The following HDAC9 variants were observed in gnomAD, a reference collection of about 807,000 sequenced individuals.
The protein encoded by HDAC9 is MEF-2 interacting transcription repressor (MITR) protein.
Under a neutral mutation model 139.4 loss-of-function variants are expected in HDAC9, and 41 were observed. The ratio of observed to expected loss-of-function variants is 0.29; its 90% CI spans 0.23 to 0.38. The LOEUF is 0.38. Ranked by LOEUF, HDAC9 falls within the 10% of genes least tolerant of loss-of-function variation. HDAC9 has a pLI of 1.00. For synonymous variants in HDAC9, 517 were observed against 476.2 expected (o/e 1.09, Z -1.12); for missense variants, 1,147 against 1,297.0 (o/e 0.88, Z 1.78).
chr7:18,273,177 C>T (rs761375644), intron 2 of HDAC9, among the ~76,000 whole-genome samples: 6 of 150,964 alleles, frequency 4.0e-5, no homozygotes, highest in Non-Finnish European at 7.4e-5. Flanking sequence ...AGCCATCCTC[C>T]CACCTCAGCC....
At chr7:18,878,532 T>A (rs1292587634) in intron 22 of HDAC9, among the ~76,000 whole-genome samples, 1 of 152,072 alleles carries the variant, frequency 6.6e-6, no homozygotes, top group Non-Finnish European at 1.5e-5. Context: ...ATGTGATTCA[T>A]CACATAAACA....
At chr7:18,541,633 T>C (rs567755668) in intron 2 of HDAC9, among the ~76,000 whole-genome samples, 1 of 152,344 alleles carries the variant, frequency 6.6e-6, no homozygotes, top group South Asian at 2.1e-4. Context: ...GAATTTTGTT[T>C]AGAAATATTT....
At chr7:18,684,679 T>G (rs1782136669) in intron 12 of HDAC9, among the ~76,000 whole-genome samples, 1 of 152,016 alleles carries the variant, frequency 6.6e-6, no homozygotes, top group South Asian at 2.1e-4. Flanking sequence ...TGATATAGAC[T>G]AATTATTCTT....
chr7:18,963,911 C>A (rs1783686415), intron 24 of HDAC9, among the ~76,000 whole-genome samples: 1 of 152,146 alleles, frequency 6.6e-6, no homozygotes, highest in Non-Finnish European at 1.5e-5. Flanking sequence ...GTCTTCACTT[C>A]TTTTTCCATT....
intron 1 of HDAC9, among the ~76,000 whole-genome samples, chr7:18,313,823 C>T (rs1799469698): frequency 6.6e-6 from 1 of 152,074 alleles, no homozygotes; most frequent in Non-Finnish European, 1.5e-5. Context: ...TCCTTTTGTG[C>T]TAAGATTTTA....
At chr7:18,980,290 G>A (rs964321371) in intron 25 of HDAC9, among the ~76,000 whole-genome samples, 2 of 152,062 alleles carry the variant, frequency 1.3e-5, no homozygotes, top group Admixed American at 6.6e-5. Context: ...TTTGAAAAAA[G>A]AAACAAAATT....
At chr7:18,414,298 A>C (rs932787640) in intron 1 of HDAC9, among the ~76,000 whole-genome samples, 5 of 152,112 alleles carry the variant, frequency 3.3e-5, no homozygotes, top group Admixed American at 3.3e-4. Context: ...ATATTACCTG[A>C]TGTCCATTAA....
chr7:18,186,920 A>G (rs1233931449), intron 2 of HDAC9, among the ~76,000 whole-genome samples: 1 of 152,240 alleles, frequency 6.6e-6, no homozygotes, highest in East Asian at 1.9e-4. Context: ...TTTACTCTAC[A>G]GAACTACTTA....
At chr7:18,725,125 A>T (rs1785440205) in intron 12 of HDAC9, among the ~76,000 whole-genome samples, 1 of 152,182 alleles carries the variant, frequency 6.6e-6, no homozygotes, top group Admixed American at 6.5e-5. Flanking sequence ...ACAGTGCCCA[A>T]AGCCTATGAT....
intron 2 of HDAC9, among the ~76,000 whole-genome samples, chr7:18,200,971 A>G (rs1791074943): frequency 6.6e-6 from 1 of 152,142 alleles, no homozygotes; most frequent in East Asian, 1.9e-4. Context: ...AATTTTAGTT[A>G]TACCATCATA....
chr7:18,848,560 G>C (rs1042768370), intron 21 of HDAC9, among the ~76,000 whole-genome samples: 1 of 151,682 alleles, frequency 6.6e-6, no homozygotes, highest in East Asian at 1.9e-4. Context: ...AATCCGGTGA[G>C]AGCGCTCTCA....
chr7:18,333,952 T>C (rs910552180), intron 1 of HDAC9, among the ~76,000 whole-genome samples: 11 of 151,234 alleles, frequency 7.3e-5, no homozygotes, highest in Non-Finnish European at 1.5e-4. Flanking sequence ...ATAGAAATTA[T>C]AAGCTAACAC....
chr7:18,874,596 T>C lies in HDAC9; in HGVS notation c.2803T>C (p.Cys935Arg). The change falls in exon 22 of 26, where the codon TGT (cysteine) becomes CGT (arginine). Residue 935 changes from cysteine to arginine, a missense_variant and splice_region_variant. By Grantham distance (180) the Cys-to-Arg change is radical. Around this residue, in one of 7 missense-constraint regions of HDAC9, gnomAD observed 407 missense variants for 521.5 expected, o/e 0.78. Transcript: ENST00000686413. ...AGGAGGGTACAAAGTGACGGCAAAA[T>C]GTAAGTACCTCTTTCAGGACTTTAC... ...PLGGYKVTAK[C>R]FGHLTKQLMT... 6.5e-7 allele frequency: 1 copy of C among 1,537,144 alleles called. No individual in the cohort carries two copies. The highest frequency in any genetic ancestry group is 8.9e-7 in the Non-Finnish European group (1 of 1,122,812).
At chr7:18,358,049 TGTG>T (rs1428121370) in intron 1 of HDAC9, among the ~76,000 whole-genome samples, 3 of 151,974 alleles carry the variant, frequency 2.0e-5, no homozygotes, top group African/African-American at 7.3e-5. Flanking sequence ...TGTAGCTGGG[TGTG>T]GTGGTGGGCA....
intron 21 of HDAC9, among the ~76,000 whole-genome samples, chr7:18,868,682 T>A (rs192318211): frequency 6.6e-6 from 1 of 152,232 alleles, no homozygotes; most frequent in Non-Finnish European, 1.5e-5. Context: ...TTTTTGCCAT[T>A]AAAAGTAATG....
intron 2 of HDAC9, among the ~76,000 whole-genome samples, chr7:18,237,110 C>T (rs1041026332): frequency 2.0e-5 from 3 of 152,136 alleles, no homozygotes; most frequent in Non-Finnish European, 2.9e-5. Flanking sequence ...AGGTTGGTCC[C>T]GCATCTTTGG....
chr7:18,727,774 ACTCT>A lies in HDAC9; in HGVS notation c.1909+22_1909+25del, dbSNP rs758196645. 1 of 1,485,632 alleles carries A rather than the reference ACTCT, an allele frequency of 6.7e-7. No individual in the cohort carries two copies. Among genetic ancestry groups the A allele is most frequent in the Non-Finnish European group, 8.9e-7 (1 of 1,122,414 alleles). The allele number at this position is 1,485,632 out of a possible 1,614,324, so 92.0% of individuals were successfully genotyped here. ...CTGCAACTGGTAGGAATCCCTAAAGACTCTCTCTAATAGGCAGGCTAAATGCCCC... is the reference window on the plus strand; with the variant it reads ...CTGCAACTGGTAGGAATCCCTAAAGACTCTAATAGGCAGGCTAAATGCCCC... On this transcript the variant is annotated intron_variant, in intron 13 of 25. Coordinates refer to ENST00000686413, the MANE Select transcript of HDAC9 (RefSeq NM_178425.4).
intron 17 of HDAC9, among the ~76,000 whole-genome samples, chr7:18,810,986 G>A (rs1294856930): frequency 6.6e-6 from 1 of 151,750 alleles, no homozygotes; most frequent in East Asian, 1.9e-4. Flanking sequence ...TTTCATGTGG[G>A]TAAATGCCTA....
intron 1 of HDAC9, among the ~76,000 whole-genome samples, chr7:18,391,137 C>G (rs1245674476): frequency 1.3e-5 from 2 of 152,128 alleles, no homozygotes; most frequent in Non-Finnish European, 2.9e-5. Flanking sequence ...GTAATCCTAG[C>G]ACTTTGGGAG....
Sources: gnomAD v4.1 joint callset for allele counts (sites outside exome capture counted in the v4.1 genomes callset) on GRCh38, gnomAD v4.1.1 for gene constraint, gnomAD v4.1.1 regional missense constraint, MANE v1.5 for transcripts, NCBI Gene and HGNC (gene_info 2026-07-23, HGNC 2026-07-21) for gene names.